The following RTN1 variants were observed in gnomAD, a reference collection of about 807,000 sequenced individuals.
RTN1 encodes the protein reticulon 1.
Under a neutral mutation model 65.5 loss-of-function variants are expected in RTN1, and 25 were observed. The ratio of observed to expected loss-of-function variants is 0.38; its 90% CI spans 0.28 to 0.53. The LOEUF (loss-of-function observed/expected upper bound fraction) is 0.53, where lower values mean the gene tolerates loss of function less well. Ranked by LOEUF, RTN1 falls within the 20% of genes least tolerant of loss-of-function variation. RTN1 has a pLI of 0.79. For synonymous variants in RTN1, 471 were observed against 447.6 expected (o/e 1.05, Z -0.66); for missense variants, 983 against 1,025.4 (o/e 0.96, Z 0.57).
At chr14:59,693,847 G>A (rs12885453) in intron 3 of RTN1, among the ~76,000 whole-genome samples, 95,654 of 152,044 alleles carry the variant, frequency 0.63, 30,254 homozygotes, top group South Asian at 0.71. Flanking sequence ...AATGTGCCCA[G>A]TACAAGAATC....
At chr14:59,616,512 T>G (rs1882105401) in intron 3 of RTN1, among the ~76,000 whole-genome samples, 1 of 152,184 alleles carries the variant, frequency 6.6e-6, no homozygotes, top group African/African-American at 2.4e-5. Context: ...GGCATTTGGT[T>G]TACTTTGGAC....
At chr14:59,694,182 T>C (rs1307803646) in intron 3 of RTN1, among the ~76,000 whole-genome samples, 2 of 152,224 alleles carry the variant, frequency 1.3e-5, no homozygotes, top group Non-Finnish European at 2.9e-5. Flanking sequence ...CAGTTGGTCA[T>C]TCATGACTTT....
rs375942851 is a variant in RTN1, at chr14:59,865,115, A to ACTAGAGGG, written c.241+5267_241+5274dup. Among the ~76,000 whole-genome samples, 175 of 152,274 alleles carry ACTAGAGGG rather than the reference A, an allele frequency of 1.1e-3. 2 individuals are homozygous for ACTAGAGGG. Among genetic ancestry groups the ACTAGAGGG allele is most frequent in the African/African-American group, 3.8e-3 (160 of 41,560 alleles). On this transcript the variant is annotated intron_variant, in intron 1 of 8. Coordinates refer to ENST00000267484, the MANE Select transcript of RTN1 (RefSeq NM_021136.3). ...TTGTACAGGCATTATTTTTTAGTGAACTAGAGGGAATTTCTGAACAATATA... is the reference window on the plus strand; with the variant it reads ...TTGTACAGGCATTATTTTTTAGTGAACTAGAGGGCTAGAGGGAATTTCTGAACAATATA...
chr14:59,603,227 C>G lies in RTN1; in HGVS notation c.2214G>C (p.Val738=), dbSNP rs1376354979. The G allele has an allele frequency of 1.2e-6, 2 of 1,613,146 alleles. No individual in the cohort carries two copies. The stretch of plus-strand genomic sequence containing the variant: ...TAGAACTTACCTGGTGCTTAACATA[C>G]ACTACAGGTAGAGTAAACATTGAAA... The part of the protein sequence containing the change: ...AVVSMFTLPV[V]YVKHQAQIDQ... Residue 738 remains valine, a synonymous_variant, in exon 7 of 9, where the codon GTG becomes GTC. Transcript: ENST00000267484.
chr14:59,648,446 C>T lies in RTN1; in HGVS notation c.1766-40954G>A, dbSNP rs189245602. Among the ~76,000 whole-genome samples the T allele has an allele frequency of 1.5e-3, 228 of 152,292 alleles. 4 individuals are homozygous for T. The highest frequency in any genetic ancestry group is 3.4e-4 in the Non-Finnish European group (23 of 68,024). On this transcript the variant is annotated intron_variant, in intron 3 of 8. Coordinates refer to ENST00000267484, the MANE Select transcript of RTN1 (RefSeq NM_021136.3). ...CTCCTCCCCAACTAATTCTGTGAGG[C>T]CAGCATCATCCTGAAACCAAAACCT...
intron 1 of RTN1, among the ~76,000 whole-genome samples, chr14:59,792,133 G>T (rs1373119770): frequency 6.6e-6 from 1 of 152,066 alleles, no homozygotes; most frequent in Non-Finnish European, 1.5e-5. Context: ...TTATTTGATG[G>T]CTGCCAGCAT....
chr14:59,809,133 A>G (rs1020499701), intron 1 of RTN1, among the ~76,000 whole-genome samples: 6 of 152,160 alleles, frequency 3.9e-5, no homozygotes, highest in Admixed American at 1.3e-4. Flanking sequence ...TAAGACTGTC[A>G]TAAGTCAGAT....
At chr14:59,852,311 T>C (rs1056940479) in intron 1 of RTN1, among the ~76,000 whole-genome samples, 1 of 152,196 alleles carries the variant, frequency 6.6e-6, no homozygotes, top group Non-Finnish European at 1.5e-5. Flanking sequence ...GAGCAGACTT[T>C]TTAAAATATC....
chr14:59,777,419 G>T (rs983940434), intron 1 of RTN1, among the ~76,000 whole-genome samples: 2 of 152,108 alleles, frequency 1.3e-5, no homozygotes, highest in African/African-American at 2.4e-5. Flanking sequence ...CTGCAACAAG[G>T]CTACACACAT....
intron 3 of RTN1, among the ~76,000 whole-genome samples, chr14:59,690,956 T>A (rs1883948539): frequency 6.6e-6 from 1 of 152,076 alleles, no homozygotes; most frequent in South Asian, 2.1e-4. Flanking sequence ...AAGAAGAAAG[T>A]TTAAGGTGCT....
chr14:59,683,146 T>A (rs146634813), intron 3 of RTN1, among the ~76,000 whole-genome samples: 2 of 152,250 alleles, frequency 1.3e-5, no homozygotes, highest in East Asian at 3.9e-4. Flanking sequence ...CTATTGGAAA[T>A]CACTAGTTGG....
chr14:59,845,642 A>T (rs1225431157), intron 1 of RTN1, among the ~76,000 whole-genome samples: 1 of 152,192 alleles, frequency 6.6e-6, no homozygotes, highest in Non-Finnish European at 1.5e-5. Context: ...CAGAGAATAA[A>T]ATCTAAAGTT....
At chr14:59,605,173 T>G (rs113489672) in intron 5 of RTN1, 195 bp downstream of exon 5, 37,426 of 533,940 alleles carry the variant, frequency 0.07, 1,619 homozygotes, top group Non-Finnish European at 0.087. Flanking sequence ...TGGACAAATG[T>G]CTCAGCCACA....
chr14:59,611,019 C>A (rs1250172017), intron 3 of RTN1, among the ~76,000 whole-genome samples: 2 of 152,196 alleles, frequency 1.3e-5, no homozygotes, highest in Non-Finnish European at 2.9e-5. Flanking sequence ...CCCCCACCCA[C>A]AAAGTTATCC....
intron 1 of RTN1, among the ~76,000 whole-genome samples, chr14:59,772,524 T>C (rs916097985): frequency 1.3e-5 from 2 of 151,878 alleles, no homozygotes; most frequent in African/African-American, 4.8e-5. Context: ...TCCTTCCTCT[T>C]TCTCCCCAAT....
rs1268665405 is a variant in RTN1 at position 59,746,244 on chromosome 14, C to T, written c.479G>A (p.Gly160Asp). 1.2e-6 allele frequency: 2 copies of T among 1,612,710 alleles called. No individual in the cohort carries two copies. The highest frequency in any genetic ancestry group is 8.5e-7 in the Non-Finnish European group (1 of 1,179,440). ...LPDVPGIESR[G>D]LFSSDSGIEM... is the part of the protein sequence containing the mutation. ...TATTCCAGAATCAGAACTAAATAAG[C>T]CACGAGACTCTATCCCAGGCACATC... The change falls in exon 2 of 9, where the codon GGC (glycine) becomes GAC (aspartate). Residue 160 changes from glycine (G) to aspartate (D), a missense_variant. By Grantham distance (94) the Gly-to-Asp change is moderately conservative. This residue lies in a region of RTN1 where 818 missense variants were observed against 801.8 expected (regional missense o/e 1.02). Transcript: ENST00000267484.
chr14:59,682,123 T>G (rs1367584958), intron 3 of RTN1, among the ~76,000 whole-genome samples: 1 of 152,182 alleles, frequency 6.6e-6, no homozygotes, highest in Non-Finnish European at 1.5e-5. Context: ...GCTTTGCCAC[T>G]GACATACTTT....
At chr14:59,789,036 T>C (rs1399583800) in intron 1 of RTN1, among the ~76,000 whole-genome samples, 2 of 152,062 alleles carry the variant, frequency 1.3e-5, no homozygotes, top group Non-Finnish European at 2.9e-5. Context: ...TTATGTAATA[T>C]TGTTAATTTT....
chr14:59,866,386 T>C (rs1294696936), intron 1 of RTN1, among the ~76,000 whole-genome samples: 1 of 152,054 alleles, frequency 6.6e-6, no homozygotes, highest in Non-Finnish European at 1.5e-5. Flanking sequence ...CTCTCAACCC[T>C]CAGAATCAGA....
Sources: gnomAD v4.1 joint callset for allele counts (sites outside exome capture counted in the v4.1 genomes callset) on GRCh38, gnomAD v4.1.1 for gene constraint, gnomAD v4.1.1 regional missense constraint, MANE v1.5 for transcripts, NCBI Gene and HGNC (gene_info 2026-07-23, HGNC 2026-07-21) for gene names.